The following OCA2 variants were observed in gnomAD, a reference collection of about 807,000 sequenced individuals.
OCA2 encodes OCA2 melanosomal transmembrane protein.
Under a neutral mutation model 100.2 loss-of-function variants are expected in OCA2, and 77 were observed. That is an observed-to-expected ratio of 0.77 (90% CI 0.64 to 0.93). The LOEUF is 0.93. Ranked by LOEUF, OCA2 falls within the 40% of genes least tolerant of loss-of-function variation. The probability of loss-of-function intolerance (pLI) is 0.00; values close to 1 mark genes in which losing one functional copy is unlikely to be tolerated. For missense variants in OCA2, 1,062 were observed against 1,089.1 expected (o/e 0.98, Z 0.35); for synonymous variants, 432 against 439.2 (o/e 0.98, Z 0.21).
chr15:28,072,194 C>T (rs918624414), intron 2 of OCA2, among the ~76,000 whole-genome samples: 7 of 151,722 alleles, frequency 4.6e-5, no homozygotes, highest in African/African-American at 1.5e-4. Flanking sequence ...GGTGAAACCC[C>T]GTCTCTACTA....
intron 23 of OCA2, among the ~76,000 whole-genome samples, chr15:27,827,077 C>T (rs1204670639): frequency 6.6e-6 from 1 of 152,212 alleles, no homozygotes; most frequent in Non-Finnish European, 1.5e-5. Context: ...AGTAAGCAGC[C>T]TCTCACAAAC....
At chr15:28,095,760 T>C (rs1361320242) in intron 1 of OCA2, among the ~76,000 whole-genome samples, 1 of 151,044 alleles carries the variant, frequency 6.6e-6, no homozygotes, top group African/African-American at 2.4e-5. Context: ...TCTTTAAATA[T>C]CTGACATAAT....
chr15:28,056,636 A>G (rs911099907), intron 2 of OCA2, among the ~76,000 whole-genome samples: 1 of 152,228 alleles, frequency 6.6e-6, no homozygotes, highest in African/African-American at 2.4e-5. Flanking sequence ...AGCAGTGGAC[A>G]TGTGTGTGTG....
chr15:27,740,586 T>C, the OCA2 span, among the ~76,000 whole-genome samples: 2 of 152,192 alleles, frequency 1.3e-5, no homozygotes, highest in African/African-American at 4.8e-5. Context: ...CATTTTGCCA[T>C]GTGCTGGAAA....
intron 19 of OCA2, among the ~76,000 whole-genome samples, chr15:27,896,972 C>A (rs182702698): frequency 1.3e-5 from 2 of 152,042 alleles, no homozygotes; most frequent in African/African-American, 2.4e-5. Context: ...GGGCGGATTA[C>A]GAGGTCAGGA....
chr15:28,057,693 C>T (rs2043744383), intron 2 of OCA2, among the ~76,000 whole-genome samples: 1 of 152,222 alleles, frequency 6.6e-6, no homozygotes, highest in Admixed American at 6.5e-5. Flanking sequence ...CAGGCATGAA[C>T]AAGACACACT....
intron 18 of OCA2, among the ~76,000 whole-genome samples, chr15:27,931,590 C>A (rs1267804622): frequency 6.6e-6 from 1 of 152,126 alleles, no homozygotes; most frequent in African/African-American, 2.4e-5. Context: ...CCAGCCTCAG[C>A]CTCCCAAAGT....
intron 17 of OCA2, among the ~76,000 whole-genome samples, chr15:27,953,810 T>C (rs1567149930): frequency 6.6e-6 from 1 of 152,060 alleles, no homozygotes; most frequent in African/African-American, 2.4e-5. Flanking sequence ...TTTGGTTATA[T>C]GGGTAAGTTC....
At chr15:27,764,868 A>G (rs1216543824) in intron 23 of OCA2, among the ~76,000 whole-genome samples, 1 of 152,230 alleles carries the variant, frequency 6.6e-6, no homozygotes, top group Non-Finnish European at 1.5e-5. Flanking sequence ...TAAGAAAGTA[A>G]AGGAATAAAG....
intron 23 of OCA2, among the ~76,000 whole-genome samples, chr15:27,806,421 G>A (rs1368240041): frequency 6.6e-6 from 1 of 152,200 alleles, no homozygotes; most frequent in Non-Finnish European, 1.5e-5. Context: ...GAGATGCGTG[G>A]GCGAGCTTGG....
the OCA2 span, among the ~76,000 whole-genome samples, chr15:27,747,387 C>T: frequency 2.0e-5 from 3 of 152,168 alleles, no homozygotes; most frequent in Admixed American, 6.5e-5. Context: ...AGTAAGAAGC[C>T]GCTGAAAATT....
chr15:27,738,001 A>G, the OCA2 span, among the ~76,000 whole-genome samples: 1 of 152,188 alleles, frequency 6.6e-6, no homozygotes, highest in South Asian at 2.1e-4. Context: ...CCTAATAACA[A>G]AATGCTGACA....
chr15:28,059,457 C>T (rs1448480), intron 2 of OCA2, among the ~76,000 whole-genome samples: 27,670 of 152,102 alleles, frequency 0.18, 4,660 homozygotes, highest in African/African-American at 0.45. Flanking sequence ...GGCAGGAGGA[C>T]CCCTTGAGCA....
At position 28,065,824 on chromosome 15, in the gene OCA2, A is replaced by G. The variant is rs370953855; in HGVS notation, c.227+15824T>C. Reference sequence around the variant, plus strand: ...CAGCAATATTTTGTGTTGTTCAATTATAAATCTTGTACTTTTTATTAAATT... The same window carrying G: ...CAGCAATATTTTGTGTTGTTCAATTGTAAATCTTGTACTTTTTATTAAATT... On this transcript the variant is annotated intron_variant, in intron 2 of 23. Transcript: ENST00000354638. 4.1e-4 allele frequency among the ~76,000 whole-genome samples: 62 copies of G among 152,310 alleles called. No individual in the cohort carries two copies. In the East Asian group the frequency reaches 7.3e-3, roughly 18 times the overall value.
At chr15:28,006,644 G>A (rs2042099665) in intron 9 of OCA2, among the ~76,000 whole-genome samples, 2 of 152,192 alleles carry the variant, frequency 1.3e-5, no homozygotes, top group South Asian at 2.1e-4. Context: ...TCCTTTTCAA[G>A]AAAGAAAAGG....
chr15:27,952,755 C>G (rs559111511), intron 17 of OCA2, among the ~76,000 whole-genome samples: 2 of 151,998 alleles, frequency 1.3e-5, no homozygotes, highest in Non-Finnish European at 2.9e-5. Context: ...CTCAGCTCAA[C>G]GCAACCTCCG....
At chr15:28,081,424 A>G (rs2044619071) in intron 2 of OCA2, among the ~76,000 whole-genome samples, 1 of 152,222 alleles carries the variant, frequency 6.6e-6, no homozygotes, top group African/African-American at 2.4e-5. Context: ...TTCATGCTAC[A>G]AACTCTTTTT....
chr15:27,740,683 T>A, the OCA2 span, among the ~76,000 whole-genome samples: 1 of 152,144 alleles, frequency 6.6e-6, no homozygotes. Context: ...TAAATATTGA[T>A]CCTGATGACT....
chr15:27,902,807 G>T (rs983064939), intron 19 of OCA2, among the ~76,000 whole-genome samples: 1 of 152,242 alleles, frequency 6.6e-6, no homozygotes, highest in African/African-American at 2.4e-5. Flanking sequence ...CAGCCGACCT[G>T]GCCTTTGGGG....
Sources: allele counts gnomAD v4.1 joint callset (sites outside exome capture counted in the v4.1 genomes callset), GRCh38; gene constraint gnomAD v4.1.1; transcripts MANE v1.5; gene names NCBI Gene and HGNC (gene_info 2026-07-23, HGNC 2026-07-21).